Variants in PCDH7 observed in about 807,000 individuals in gnomAD.
PCDH7 encodes protocadherin-7.
Under a neutral mutation model 58.9 loss-of-function variants are expected in PCDH7, and 17 were observed. The observed-to-expected ratio is 0.29, with a 90% CI of 0.20 to 0.43. PCDH7 has a LOEUF of 0.43. Among genes scored for constraint, PCDH7 ranks in the 20% least tolerant of loss-of-function variants. PCDH7 has a pLI of 1.00. For missense variants in PCDH7, 1,274 were observed against 1,441.0 expected (o/e 0.88, Z 1.88); for synonymous variants, 664 against 616.4 (o/e 1.08, Z -1.14).
At chr4:31,001,978 C>T (rs1752395867) in intron 3 of PCDH7, among the ~76,000 whole-genome samples, 1 of 152,090 alleles carries the variant, frequency 6.6e-6, no homozygotes, top group African/African-American at 2.4e-5. Context: ...ATTATAAACT[C>T]CTAATAATAA....
In PCDH7 at chr4:30,739,888, G is replaced by A. The variant is rs1716841249; in HGVS notation, c.70+15292G>A. On this transcript the variant is annotated intron_variant, in intron 1 of 3. Transcript: ENST00000509759. ...CTTCCTTCGTGGAGTTTCAGTTTTA[G>A]TGTTGTAATATGTAAATAGTATATC... Among the ~76,000 whole-genome samples the A allele has an allele frequency of 2.0e-5, 3 of 152,154 alleles. No homozygotes were observed. The South Asian group carries it at 6.2e-4, about 31-fold the overall frequency.
chr4:31,072,454 A>G (rs376413635), intron 3 of PCDH7, among the ~76,000 whole-genome samples: 28 of 152,102 alleles, frequency 1.8e-4, no homozygotes, highest in East Asian at 1.7e-3. Flanking sequence ...AATTTTTTTT[A>G]AAAAAGGAGG....
intron 3 of PCDH7, among the ~76,000 whole-genome samples, chr4:31,076,278 G>A (rs1229467563): frequency 1.3e-5 from 2 of 152,136 alleles, no homozygotes; most frequent in East Asian, 3.9e-4. Flanking sequence ...AGGATATAAT[G>A]TGTTAACCTT....
chr4:30,849,955 A>G (rs1732497579), intron 1 of PCDH7, among the ~76,000 whole-genome samples: 1 of 152,056 alleles, frequency 6.6e-6, no homozygotes, highest in Non-Finnish European at 1.5e-5. Flanking sequence ...TTTGTTTATA[A>G]CATTACTTTG....
At chr4:30,883,880 A>G (rs1206805614) in intron 1 of PCDH7, among the ~76,000 whole-genome samples, 1 of 152,174 alleles carries the variant, frequency 6.6e-6, no homozygotes, top group African/African-American at 2.4e-5. Context: ...GTGATGTGGG[A>G]AAACACTTCT....
chr4:30,747,845 TA>T (rs1188655014), intron 1 of PCDH7, among the ~76,000 whole-genome samples: 2 of 152,210 alleles, frequency 1.3e-5, no homozygotes, highest in Admixed American at 6.5e-5. Context: ...CAAAATTTGA[TA>T]ACCACCTGTT....
chr4:30,904,433 T>G (rs1363926973), intron 1 of PCDH7, among the ~76,000 whole-genome samples: 1 of 152,136 alleles, frequency 6.6e-6, no homozygotes, highest in South Asian at 2.1e-4. Context: ...CCCATCTCCT[T>G]TTAAGAAACT....
intron 3 of PCDH7, among the ~76,000 whole-genome samples, chr4:31,132,527 G>A (rs1013580051): frequency 7.2e-5 from 11 of 152,026 alleles, no homozygotes; most frequent in Non-Finnish European, 1.6e-4. Flanking sequence ...GAACTAATGA[G>A]TAAAAAGATC....
intron 3 of PCDH7, among the ~76,000 whole-genome samples, chr4:30,973,928 T>C (rs1749821195): frequency 1.3e-5 from 2 of 152,084 alleles, no homozygotes; most frequent in Admixed American, 6.5e-5. Context: ...TTCTCTCTTT[T>C]AGAAAAACTA....
At chr4:30,807,435 C>A (rs755931360) in intron 1 of PCDH7, among the ~76,000 whole-genome samples, 1 of 152,166 alleles carries the variant, frequency 6.6e-6, no homozygotes, top group Non-Finnish European at 1.5e-5. Flanking sequence ...TGGACCAGGA[C>A]ATTGACCATG....
intron 1 of PCDH7, among the ~76,000 whole-genome samples, chr4:30,787,747 A>G (rs563743765): frequency 1.2e-4 from 19 of 152,152 alleles, no homozygotes; most frequent in Non-Finnish European, 2.5e-4. Context: ...TAATTTTTGT[A>G]TGGGTGTGAA....
intron 2 of PCDH7, among the ~76,000 whole-genome samples, chr4:30,947,676 A>T (rs955641815): frequency 6.6e-6 from 1 of 152,178 alleles, no homozygotes; most frequent in Non-Finnish European, 1.5e-5. Flanking sequence ...CCATCATCTC[A>T]AACATTTATC....
chr4:30,829,189 T>TGA (rs199754027), intron 1 of PCDH7, among the ~76,000 whole-genome samples: 1 of 151,384 alleles, frequency 6.6e-6, no homozygotes, highest in East Asian at 1.9e-4. Flanking sequence ...TTGTGTGTGC[T>TGA]GAGAGAGAGA....
chr4:31,125,749 C>T (rs1317529007), intron 3 of PCDH7, among the ~76,000 whole-genome samples: 2 of 152,198 alleles, frequency 1.3e-5, no homozygotes, highest in African/African-American at 4.8e-5. Flanking sequence ...TGAGTTTGCT[C>T]AACTGCAGGC....
At chr4:31,006,677 G>A (rs571234249) in intron 3 of PCDH7, among the ~76,000 whole-genome samples, 73 of 152,126 alleles carry the variant, frequency 4.8e-4, no homozygotes, top group African/African-American at 1.8e-3. Flanking sequence ...CGGATTACCT[G>A]AGGTCAGGAG....
chr4:30,788,642 A>C (rs1723723440), intron 1 of PCDH7, among the ~76,000 whole-genome samples: 1 of 152,164 alleles, frequency 6.6e-6, no homozygotes, highest in Non-Finnish European at 1.5e-5. Context: ...TGGCTTTTAG[A>C]ATACACTCTC....
At chr4:31,137,635 A>AT (rs936384779) in intron 3 of PCDH7, among the ~76,000 whole-genome samples, 2 of 151,916 alleles carry the variant, frequency 1.3e-5, no homozygotes, top group Admixed American at 6.6e-5. Context: ...AATACTTCTT[A>AT]TTTTTTTGCA....
At chr4:30,760,921 CT>C (rs1719942118) in intron 1 of PCDH7, among the ~76,000 whole-genome samples, 1 of 152,134 alleles carries the variant, frequency 6.6e-6, no homozygotes, top group Non-Finnish European at 1.5e-5. Context: ...CTTTGGAGTT[CT>C]GTTTACACCC....
In PCDH7 at chr4:30,920,521, A is replaced by C. The variant is rs1438273196; in HGVS notation, c.287+152A>C. Reference sequence around the variant, plus strand: ...ATATTTGCTAAAATACAGAAATGCCAAATAAAGGAACATAACTCTGTAGAT... The same window carrying C: ...ATATTTGCTAAAATACAGAAATGCCCAATAAAGGAACATAACTCTGTAGAT... On this transcript the variant is annotated intron_variant, in intron 2 of 3. Coordinates refer to the PCDH7 transcript ENST00000509759. Among the ~76,000 whole-genome samples the C allele has an allele frequency of 2.0e-5, 3 of 152,318 alleles. No homozygotes were observed. In the East Asian group the frequency reaches 5.8e-4, roughly 29 times the overall value.
Sources: allele counts gnomAD v4.1 joint callset (sites outside exome capture counted in the v4.1 genomes callset), GRCh38; gene constraint gnomAD v4.1.1; transcripts MANE v1.5; gene names NCBI Gene and HGNC (gene_info 2026-07-23, HGNC 2026-07-21).